CALN1: variants seen among roughly 807,000 people sequenced by gnomAD.
The protein encoded by CALN1 is calneuron 1.
Under a neutral mutation model 30.6 loss-of-function variants are expected in CALN1, and 17 were observed. That is an observed-to-expected ratio of 0.56 (90% CI 0.38 to 0.83). The LOEUF (loss-of-function observed/expected upper bound fraction) is 0.83. Among genes scored for constraint, CALN1 ranks in the 40% least tolerant of loss-of-function variants. The probability of loss-of-function intolerance (pLI) is 0.00; values close to 1 mark genes in which losing one functional copy is unlikely to be tolerated. For missense variants in CALN1, 291 were observed against 354.9 expected (o/e 0.82, Z 1.45); for synonymous variants, 156 against 131.4 (o/e 1.19, Z -1.28).
At chr7:72,315,328 C>T (rs1238973534) in intron 2 of CALN1, among the ~76,000 whole-genome samples, 1 of 152,038 alleles carries the variant, frequency 6.6e-6, no homozygotes, top group African/African-American at 2.4e-5. Context: ...CATAAAACAT[C>T]AATGTGCAAT....
chr7:71,807,433 A>G (rs1005032503), intron 6 of CALN1, among the ~76,000 whole-genome samples: 3 of 152,310 alleles, frequency 2.0e-5, no homozygotes, highest in Middle Eastern at 6.8e-3. Context: ...CACTTTGATC[A>G]TGCTTGAAAA....
intron 5 of CALN1, among the ~76,000 whole-genome samples, chr7:71,863,166 G>T (rs1332010890): frequency 6.6e-6 from 1 of 152,054 alleles, no homozygotes; most frequent in East Asian, 1.9e-4. Flanking sequence ...GGCTGAGGTG[G>T]GGAGATTGCT....
At chr7:71,914,630 T>C (rs555540724) in intron 5 of CALN1, among the ~76,000 whole-genome samples, 1 of 152,284 alleles carries the variant, frequency 6.6e-6, no homozygotes, top group South Asian at 2.1e-4. Flanking sequence ...CCACACTGTC[T>C]CCCACAATGA....
chr7:72,066,756 C>A (rs957298127), intron 4 of CALN1, among the ~76,000 whole-genome samples: 2 of 151,712 alleles, frequency 1.3e-5, no homozygotes, highest in Non-Finnish European at 2.9e-5. Context: ...AGACTGCAGG[C>A]ATGCACCACC....
chr7:71,832,934 A>C (rs976674193), intron 5 of CALN1, among the ~76,000 whole-genome samples: 1 of 152,062 alleles, frequency 6.6e-6, no homozygotes, highest in Admixed American at 6.6e-5. Context: ...AATATCATCC[A>C]GCCTTGTCAT....
chr7:72,289,614 G>A (rs759409486), intron 2 of CALN1, among the ~76,000 whole-genome samples: 5 of 152,114 alleles, frequency 3.3e-5, no homozygotes, highest in Admixed American at 6.6e-5. Context: ...AAAGAGATGT[G>A]CAGCAGTATA....
intron 2 of CALN1, among the ~76,000 whole-genome samples, chr7:72,349,252 G>A (rs942092817): frequency 4.0e-5 from 6 of 151,612 alleles, no homozygotes; most frequent in Non-Finnish European, 5.9e-5. Flanking sequence ...TAAAGCGAGA[G>A]AAAAAGAGAG....
At chr7:72,197,288 G>C (rs1341100493) in intron 3 of CALN1, among the ~76,000 whole-genome samples, 1 of 135,734 alleles carries the variant, frequency 7.4e-6, no homozygotes, top group African/African-American at 2.7e-5. Flanking sequence ...TGCAACCTCC[G>C]CCTCCCAGGT....
chr7:72,350,430 C>A (rs1316189860), intron 2 of CALN1, among the ~76,000 whole-genome samples: 1 of 152,162 alleles, frequency 6.6e-6, no homozygotes, highest in Non-Finnish European at 1.5e-5. Context: ...CACATACACA[C>A]CATGGAATAC....
chr7:72,087,490 T>G (rs899985644), intron 4 of CALN1, among the ~76,000 whole-genome samples: 1 of 152,034 alleles, frequency 6.6e-6, no homozygotes, highest in Admixed American at 6.6e-5. Context: ...CTAAAACAGA[T>G]CCACCAAAGA....
At chr7:71,831,881 A>C (rs907006845) in intron 5 of CALN1, among the ~76,000 whole-genome samples, 2 of 149,136 alleles carry the variant, frequency 1.3e-5, no homozygotes, top group African/African-American at 4.9e-5. Flanking sequence ...CAAAAAAAAA[A>C]AAAAAAAAAA....
At chr7:71,825,916 C>T (rs1317118078) in intron 5 of CALN1, among the ~76,000 whole-genome samples, 5 of 151,074 alleles carry the variant, frequency 3.3e-5, no homozygotes, top group Non-Finnish European at 5.9e-5. Flanking sequence ...GCCTGTGATC[C>T]CAGCTACTTG....
chr7:72,081,518 G>T (rs1805144207), intron 4 of CALN1, among the ~76,000 whole-genome samples: 1 of 150,534 alleles, frequency 6.6e-6, no homozygotes, highest in Non-Finnish European at 1.5e-5. Context: ...CAACTCCTGG[G>T]ATCAAGCAAT....
chr7:72,423,028 C>G (rs1409823219), intron 1 of CALN1, among the ~76,000 whole-genome samples: 1 of 151,402 alleles, frequency 6.6e-6, no homozygotes, highest in Non-Finnish European at 1.5e-5. Flanking sequence ...ATGAGAATCG[C>G]TTGAACCCGG....
upstream of CALN1, among the ~76,000 whole-genome samples, chr7:72,417,258 C>A (rs369962622): frequency 5.3e-5 from 8 of 152,320 alleles, no homozygotes; most frequent in East Asian, 1.4e-3. Flanking sequence ...CTTGGGCAGA[C>A]CCCTGCGGTC....
At chr7:72,369,871 G>A (rs1804116775) in intron 2 of CALN1, among the ~76,000 whole-genome samples, 1 of 152,136 alleles carries the variant, frequency 6.6e-6, no homozygotes, top group East Asian at 1.9e-4. Context: ...CTAACCTATT[G>A]ATGGACATTT....
chr7:72,451,845 T>A (rs1033203793), upstream of CALN1, among the ~76,000 whole-genome samples: 2 of 150,040 alleles, frequency 1.3e-5, no homozygotes, highest in African/African-American at 2.4e-5. Context: ...TGTGGTGAAT[T>A]AAAAAAAAAA....
In CALN1 at chr7:72,138,384, G is replaced by A. The variant is rs370700552; in HGVS notation, c.245-32090C>T. 4.6e-5 allele frequency among the ~76,000 whole-genome samples: 7 copies of A among 152,196 alleles called. No individual in the cohort carries two copies. The South Asian group carries it at 6.2e-4, about 14-fold the overall frequency. On this transcript the variant is annotated intron_variant, in intron 3 of 6. Transcript: ENST00000395275. ...CCAACAATGAGTAAACTGGAGGCTC[G>A]AATACAAGTGTTCTCTCCATGCTGG...
intron 3 of CALN1, among the ~76,000 whole-genome samples, chr7:72,202,871 A>C (rs1401183723): frequency 6.6e-6 from 1 of 152,240 alleles, no homozygotes; most frequent in East Asian, 1.9e-4. Context: ...TCATTCTACT[A>C]TAAAGACACA....
Sources: gnomAD v4.1 joint callset for allele counts (sites outside exome capture counted in the v4.1 genomes callset) on GRCh38, gnomAD v4.1.1 for gene constraint, MANE v1.5 for transcripts, NCBI Gene and HGNC (gene_info 2026-07-23, HGNC 2026-07-21) for gene names.